The following PHF24 variants were observed in gnomAD, a reference collection of about 807,000 sequenced individuals.
PHF24 encodes Galpha inhibitory interacting protein.
Under a neutral mutation model 42.6 loss-of-function variants are expected in PHF24, and 25 were observed. That is an observed-to-expected ratio of 0.59 (90% CI 0.43 to 0.82). The LOEUF (loss-of-function observed/expected upper bound fraction) is 0.82, where lower values mean the gene tolerates loss of function less well. Ranked by LOEUF, PHF24 falls within the 40% of genes least tolerant of loss-of-function variation. The probability of loss-of-function intolerance (pLI) is 0.00; values close to 1 mark genes in which losing one functional copy is unlikely to be tolerated. For synonymous variants in PHF24, 185 were observed against 204.8 expected, an observed-to-expected ratio of 0.90 and a Z score of 0.83; for missense variants, 470 against 538.1, an observed-to-expected ratio of 0.87 and a Z score of 1.25.
At chr9:34,898,463 T>A in the PHF24 span, among the ~76,000 whole-genome samples, 1 of 152,230 alleles carries the variant, frequency 6.6e-6, no homozygotes, top group Non-Finnish European at 1.5e-5. Context: ...GGAAACTAGA[T>A]CTTCATATTA....
chr9:34,838,722 G>T, the PHF24 span: 8 of 331,164 alleles, frequency 2.4e-5, no homozygotes, highest in Admixed American at 8.4e-5. Flanking sequence ...TGGGACTGAA[G>T]GTGCCACAAG....
the PHF24 span, chr9:34,691,390 T>C: frequency 1.4e-4 from 66 of 488,572 alleles, no homozygotes; most frequent in African/African-American, 1.1e-3. Context: ...TCTGGCAGAA[T>C]CGCACCCTGC....
At chr9:34,820,029 A>G in the PHF24 span, among the ~76,000 whole-genome samples, 33 of 151,966 alleles carry the variant, frequency 2.2e-4, no homozygotes, top group Non-Finnish European at 4.3e-4. Flanking sequence ...ACCTGTTACC[A>G]TTCTGAAATG....
At chr9:34,859,273 G>A in the PHF24 span, among the ~76,000 whole-genome samples, 1 of 152,212 alleles carries the variant, frequency 6.6e-6, no homozygotes, top group East Asian at 1.9e-4. Context: ...TCTGAGTTAG[G>A]TGACTCGGAG....
the PHF24 span, among the ~76,000 whole-genome samples, chr9:34,732,125 G>T: frequency 6.6e-6 from 1 of 151,448 alleles, no homozygotes. Context: ...GCCTCCTAAA[G>T]TGTTGGGGTT....
the PHF24 span, among the ~76,000 whole-genome samples, chr9:34,823,425 G>A: frequency 6.6e-6 from 1 of 152,056 alleles, no homozygotes; most frequent in East Asian, 1.9e-4. Flanking sequence ...CCATCCAGGA[G>A]GCCATTTGTT....
chr9:34,703,357 T>G, the PHF24 span, among the ~76,000 whole-genome samples: 8 of 152,108 alleles, frequency 5.3e-5, no homozygotes, highest in Middle Eastern at 3.2e-3. Flanking sequence ...TTAGTACAGA[T>G]GGAGTTTCAC....
At chr9:34,685,168 G>C in the PHF24 span, among the ~76,000 whole-genome samples, 1 of 152,092 alleles carries the variant, frequency 6.6e-6, no homozygotes, top group Admixed American at 6.5e-5. Flanking sequence ...CAGGAGCCCT[G>C]CCTGTCACAA....
the PHF24 span, among the ~76,000 whole-genome samples, chr9:34,845,861 G>C: frequency 6.7e-6 from 1 of 149,560 alleles, no homozygotes; most frequent in African/African-American, 2.5e-5. Flanking sequence ...TTGGTTTTTT[G>C]TTCTTGCGAT....
At chr9:34,779,824 C>T in the PHF24 span, among the ~76,000 whole-genome samples, 1 of 152,170 alleles carries the variant, frequency 6.6e-6, no homozygotes, top group Non-Finnish European at 1.5e-5. Context: ...CTCCTAAGTT[C>T]AAGCGATTCT....
the PHF24 span, among the ~76,000 whole-genome samples, chr9:34,677,219 C>G: frequency 6.6e-6 from 1 of 152,030 alleles, no homozygotes; most frequent in Non-Finnish European, 1.5e-5. Context: ...ATCAGCTCAG[C>G]CTCATGTTCT....
the PHF24 span, among the ~76,000 whole-genome samples, chr9:34,807,919 C>A: frequency 1.3e-5 from 2 of 151,920 alleles, no homozygotes; most frequent in Non-Finnish European, 2.9e-5. Flanking sequence ...ATGTAAGTAC[C>A]ACTTCCTTAG....
chr9:34,712,250 C>T, the PHF24 span, among the ~76,000 whole-genome samples: 1 of 152,198 alleles, frequency 6.6e-6, no homozygotes, highest in East Asian at 1.9e-4. Flanking sequence ...TGGGTTTCAA[C>T]AATTTGACTA....
chr9:34,857,562 C>A, the PHF24 span, among the ~76,000 whole-genome samples: 1 of 152,208 alleles, frequency 6.6e-6, no homozygotes, highest in African/African-American at 2.4e-5. Context: ...TCTGCTGGAT[C>A]CATGCCACTC....
chr9:34,803,737 A>G, the PHF24 span, among the ~76,000 whole-genome samples: 5 of 152,184 alleles, frequency 3.3e-5, no homozygotes, highest in African/African-American at 1.2e-4. Context: ...CACTCTTCCT[A>G]TGTCCATAAA....
At chr9:34,673,553 C>T in the PHF24 span, among the ~76,000 whole-genome samples, 1 of 151,638 alleles carries the variant, frequency 6.6e-6, no homozygotes, top group African/African-American at 2.4e-5. Flanking sequence ...TCACTGCAAC[C>T]TCCACCTCTT....
chr9:34,827,165 C>CATGCTAACCCCTGGCTCCCTACCTG, the PHF24 span, among the ~76,000 whole-genome samples: 8 of 152,166 alleles, frequency 5.3e-5, no homozygotes, highest in Non-Finnish European at 7.4e-5. Flanking sequence ...AGGATGTGTG[C>CATGCTAACCCCTGGCTCCCTACCTG]ATGCTAACCC....
chr9:34,886,834 G>GTATCTATCTATC, the PHF24 span, among the ~76,000 whole-genome samples: 36,769 of 148,610 alleles, frequency 0.25, 5,128 homozygotes, highest in Admixed American at 0.32. Flanking sequence ...ATGTATCTAT[G>GTATCTATCTATC]TATCTATCTA....
the PHF24 span, among the ~76,000 whole-genome samples, chr9:34,849,256 C>A: frequency 6.6e-6 from 1 of 151,920 alleles, no homozygotes; most frequent in Non-Finnish European, 1.5e-5. Context: ...GTAGGTCACT[C>A]AGGACTTGCT....
Sources: gnomAD v4.1 joint callset for allele counts (sites outside exome capture counted in the v4.1 genomes callset) on GRCh38, gnomAD v4.1.1 for gene constraint, MANE v1.5 for transcripts, NCBI Gene and HGNC (gene_info 2026-07-23, HGNC 2026-07-21) for gene names.